Variants in PRRC2B observed in about 807,000 individuals in gnomAD.
PRRC2B encodes proline rich coiled-coil 2B, also known as protein PRRC2B.
A neutral mutation model predicts 242.3 loss-of-function variants in PRRC2B; 68 were observed. That is an observed-to-expected ratio of 0.28 (90% CI 0.23 to 0.34). PRRC2B has a LOEUF of 0.34. Among genes scored for constraint, PRRC2B ranks in the 10% least tolerant of loss-of-function variants. PRRC2B has a pLI of 1.00. For missense variants in PRRC2B, 2,835 were observed against 2,954.8 expected (o/e 0.96, Z 0.94); for synonymous variants, 1,228 against 1,173.6 (o/e 1.05, Z -0.95).
chr9:131,404,217 T>A (rs1437425172), intron 1 of PRRC2B, among the ~76,000 whole-genome samples: 3 of 124,196 alleles, frequency 2.4e-5, no homozygotes, highest in Admixed American at 7.8e-5. Flanking sequence ...CCCAGTTGAC[T>A]TTTTTTTTTT....
At position 131,418,694 on chromosome 9, in the gene PRRC2B, G is replaced by A. The variant is rs567327536; in HGVS notation, c.-51-11400G>A. ...AGCCAGGGACAGCTGCAGCTGGCTG[G>A]GACGTGGCCTTCCTCCTCGGTGTGT... On this transcript the variant is annotated intron_variant, in intron 1 of 31. Coordinates refer to ENST00000683519, the MANE Select transcript of PRRC2B (RefSeq NM_013318.4). Among the ~76,000 whole-genome samples the A allele has an allele frequency of 3.9e-5, 6 of 152,180 alleles. No homozygotes were observed. In the South Asian group the frequency reaches 1.0e-3, roughly 26 times the overall value.
chr9:131,470,793 G>A lies in PRRC2B; in HGVS notation c.1917G>A (p.Gln639=). Residue 639 remains glutamine, a synonymous_variant, in exon 14 of 32, where the codon CAG becomes CAA. Transcript: ENST00000683519. Reference sequence around the variant, plus strand: ...CTCTCTCTCTCTGTGGGCAGGAGCAGCTGTACAAGATGCAGCACTGGCAGC... The same window carrying A: ...CTCTCTCTCTCTGTGGGCAGGAGCAACTGTACAAGATGCAGCACTGGCAGC... ...QRQQQQQQQE[Q]LYKMQHWQPV... The A allele has an allele frequency of 6.2e-7, 1 of 1,611,882 alleles. No individual in the cohort carries two copies. Among genetic ancestry groups the A allele is most frequent in the Non-Finnish European group, 8.5e-7 (1 of 1,178,904 alleles).
chr9:131,448,626 A>G (rs1838908826), intron 9 of PRRC2B, among the ~76,000 whole-genome samples: 1 of 145,252 alleles, frequency 6.9e-6, no homozygotes, highest in Admixed American at 7.0e-5. Context: ...GGCTGTTTGC[A>G]GGGTCCATCA....
chr9:131,437,151 G>A (rs1273022862), intron 4 of PRRC2B, among the ~76,000 whole-genome samples: 2 of 152,078 alleles, frequency 1.3e-5, no homozygotes, highest in African/African-American at 4.8e-5. Flanking sequence ...AAAACGAAGC[G>A]AGCTCCTTTA....
rs916556591 is a variant in PRRC2B at position 131,487,009 on chromosome 9, A to T, written c.5857-158A>T. Among the ~76,000 whole-genome samples, 2 of 152,080 alleles carry T rather than the reference A, an allele frequency of 1.3e-5. No homozygotes were observed. The highest frequency in any genetic ancestry group is 4.8e-5 in the African/African-American group (2 of 41,408). ...CTACCAGTTTTTCATTATAGGCTTT[A>T]TCCCAATAGCAAGGGAAGCCCAGGA... is the stretch of plus-strand genomic sequence containing the variant. On this transcript the variant is annotated intron_variant, in intron 26 of 31. Transcript: ENST00000683519. This position sits in a 1 kb window ranked among gnomAD's most constrained non-coding sequence, Gnocchi z 5.3.
At chr9:131,430,371 C>T in intron 2 of PRRC2B, 112 bp downstream of exon 2, 4 of 616,138 alleles carry the variant, frequency 6.5e-6, no homozygotes, top group South Asian at 2.2e-5. Flanking sequence ...CACCAGGCTT[C>T]TGGGTGTGCA....
rs1300991170 is a variant in PRRC2B, at chr9:131,475,508, C to T, written c.3379C>T (p.Arg1127Ter). The T allele has an allele frequency of 6.2e-7, 1 of 1,608,408 alleles. No homozygotes were observed. The highest frequency in any genetic ancestry group is 8.5e-7 in the Non-Finnish European group (1 of 1,177,398). The change falls in exon 16 of 32, where the codon CGA becomes TGA. Residue 1127 changes from arginine (R) to a stop codon, truncating the protein, a stop_gained. Transcript: ENST00000683519. LOFTEE classifies it high-confidence loss of function. The stretch of plus-strand genomic sequence containing the variant: ...AGAGGACTGCCCCAGAGCCAAGCCC[C>T]GACGGAGAGTTGCCAGTGAGACCCA... ...RPEDCPRAKP[R>*]RRVASETHSE...
intron 3 of PRRC2B, among the ~76,000 whole-genome samples, chr9:131,434,264 C>T (rs1357738550): frequency 6.6e-6 from 1 of 152,232 alleles, no homozygotes; most frequent in African/African-American, 2.4e-5. Context: ...GGATATTGCA[C>T]ATTTTAATGG....
chr9:131,478,642 G>GGGGGGCC, intron 18 of PRRC2B, 23 bp downstream of exon 18: 1 of 482,040 alleles, frequency 2.1e-6, no homozygotes, highest in Non-Finnish European at 4.2e-6. Context: ...GGGTGGGGGG[G>GGGGGGCC]CATGGGGCTG....
At chr9:131,479,607 T>C (rs1466217169) in intron 19 of PRRC2B, among the ~76,000 whole-genome samples, 2 of 6,542 alleles carry the variant, frequency 3.1e-4, no homozygotes, top group African/African-American at 3.4e-4. Context: ...TTTCCTTGCC[T>C]AAAATTGGTA....
At chr9:131,490,749 A>C in intron 28 of PRRC2B, 1 of 374,706 alleles carries the variant, frequency 2.7e-6, no homozygotes, top group Admixed American at 3.4e-5. Context: ...TCTTGTTTTT[A>C]CCACCACTTG....
At chr9:131,401,103 C>T (rs1837216330) in intron 1 of PRRC2B, among the ~76,000 whole-genome samples, 1 of 151,312 alleles carries the variant, frequency 6.6e-6, no homozygotes, top group Admixed American at 6.6e-5. Context: ...TCTTCGGAGC[C>T]CCCTACAGTT....
chr9:131,375,812 T>C (rs1836676032), intron 1 of PRRC2B, among the ~76,000 whole-genome samples: 1 of 151,806 alleles, frequency 6.6e-6, no homozygotes, highest in South Asian at 2.1e-4. Flanking sequence ...GCGGATCACC[T>C]GAGGTGTTCA....
chr9:131,445,052 C>T (rs1014494838), intron 6 of PRRC2B, among the ~76,000 whole-genome samples: 7 of 152,172 alleles, frequency 4.6e-5, no homozygotes, highest in Non-Finnish European at 8.8e-5. Context: ...AGGCCTCTCC[C>T]ATTCAAGTCA....
In PRRC2B at chr9:131,497,214, G is replaced by C. The variant is rs1207847272; in HGVS notation, c.*1340G>C. ...CTTCAGACGGCGGGGGCAGGTCCAG[G>C]GTGAGGCTGGGTGGAGGGCTGACCA... On this transcript the variant is annotated 3_prime_UTR_variant, in exon 32 of 32. Transcript: ENST00000683519. 1 of 152,414 alleles carries C rather than the reference G, an allele frequency of 6.6e-6. No homozygotes were observed. The highest frequency in any genetic ancestry group is 2.4e-5 in the African/African-American group (1 of 41,472). 9.4% of individuals were successfully genotyped at this position (152,414 alleles called of 1,614,324 possible).
intron 1 of PRRC2B, among the ~76,000 whole-genome samples, chr9:131,378,309 CAAA>C (rs761589088): frequency 6.8e-5 from 4 of 58,578 alleles, no homozygotes; most frequent in Admixed American, 2.0e-4. Flanking sequence ...AACTCTGTCT[CAAA>C]AAAAAAAAAA....
intron 1 of PRRC2B, among the ~76,000 whole-genome samples, chr9:131,413,673 C>G (rs960772825): frequency 6.7e-6 from 1 of 149,720 alleles, no homozygotes; most frequent in African/African-American, 2.5e-5. Flanking sequence ...CTAATCAAAG[C>G]ATTATTTTGT....
chr9:131,468,372 C>T (rs60736284), intron 13 of PRRC2B, among the ~76,000 whole-genome samples: 79 of 152,346 alleles, frequency 5.2e-4, no homozygotes, highest in African/African-American at 1.8e-3. Flanking sequence ...ACCTGCCTTT[C>T]AGCATGGCAG....
intron 5 of PRRC2B, 112 bp downstream of exon 5, chr9:131,439,173 C>G: frequency 1.2e-6 from 1 of 844,758 alleles, no homozygotes; most frequent in Non-Finnish European, 2.0e-6. Context: ...GGACTCTCTT[C>G]CACAAAGAGG....
Sources: gnomAD v4.1 joint callset for allele counts (sites outside exome capture counted in the v4.1 genomes callset) on GRCh38, gnomAD v4.1.1 for gene constraint, Gnocchi (gnomAD v3.1) non-coding constraint, MANE v1.5 for transcripts, NCBI Gene and HGNC (gene_info 2026-07-23, HGNC 2026-07-21) for gene names.